Variants in ZNF577 observed in about 807,000 individuals in gnomAD.
The protein encoded by ZNF577 is zinc finger protein 577.
Under a neutral mutation model 13.9 loss-of-function variants are expected in ZNF577, and 14 were observed. The observed-to-expected ratio is 1.00, with a 90% CI of 0.66 to 1.57. ZNF577 has a LOEUF of 1.57. Among genes scored for constraint, ZNF577 ranks in the 40% most tolerant of loss-of-function variants. The pLI is 0.00. For synonymous variants in ZNF577, 203 were observed against 202.9 expected, an observed-to-expected ratio of 1.00 and a Z score of 0.00; for missense variants, 555 against 579.2, an observed-to-expected ratio of 0.96 and a Z score of 0.43.
chr19:51,807,766 C>T (rs2084069854), intron 10 of ZNF577, among the ~76,000 whole-genome samples: 1 of 152,228 alleles, frequency 6.6e-6, no homozygotes, highest in Admixed American at 6.5e-5. Flanking sequence ...TCTGCGAAAG[C>T]AGTTTGCCAG....
chr19:51,821,505 T>C (rs1382539556), intron 9 of ZNF577, among the ~76,000 whole-genome samples: 4 of 152,166 alleles, frequency 2.6e-5, no homozygotes, highest in Non-Finnish European at 4.4e-5. Flanking sequence ...CCCAATTGTC[T>C]GTAGTGCCAA....
intron 5 of ZNF577, among the ~76,000 whole-genome samples, chr19:51,854,969 C>A (rs1356844472): frequency 6.6e-6 from 1 of 152,098 alleles, no homozygotes; most frequent in Non-Finnish European, 1.5e-5. Context: ...CTTCATAGTT[C>A]TTTATACATG....
chr19:51,825,036 G>C, intron 9 of ZNF577: 1 of 505,342 alleles, frequency 2.0e-6, no homozygotes, highest in African/African-American at 1.9e-5. Flanking sequence ...GCTACTGTCA[G>C]ATCCCACAGG....
chr19:51,824,924 T>C lies in ZNF577; in HGVS notation c.*600-13250A>G, dbSNP rs2084221397. ...ACCACCACCACCACAATCATCAACA[T>C]AAAGGAAGTCTGTACCAAATCTGTA... On this transcript the variant is annotated intron_variant and NMD_transcript_variant, in intron 9 of 10. Coordinates refer to the ZNF577 transcript ENST00000638827. This position sits in a 1 kb window ranked among gnomAD's most constrained non-coding sequence, Gnocchi z 4.7. 2 of 835,794 alleles carry C rather than the reference T, an allele frequency of 2.4e-6. No homozygotes were observed. Among genetic ancestry groups the C allele is most frequent in the Non-Finnish European group, 3.7e-6 (2 of 536,240 alleles). 51.8% of individuals were successfully genotyped at this position (835,794 alleles called of 1,614,324 possible). A position where few individuals can be genotyped will look rare whatever the true frequency, so the allele number is the denominator to read the frequency against.
At position 51,825,887 on chromosome 19, in the gene ZNF577, T is replaced by A. The variant is rs181193397; in HGVS notation, c.*599+14006A>T. 2.2e-3 allele frequency: 364 copies of A among 167,200 alleles called. 1 individual carries two copies. Among genetic ancestry groups the A allele is most frequent in the Non-Finnish European group, 3.3e-3 (228 of 68,108 alleles). 10.4% of individuals were successfully genotyped at this position (167,200 alleles called of 1,614,324 possible). On this transcript the variant is annotated intron_variant and NMD_transcript_variant, in intron 9 of 10. Transcript: ENST00000638827. ...AGTGGGGATATTTGTAAGGCTTAGA[T>A]GAGATAGTGTTTTTTTAGAAAAAAA...
intron 9 of ZNF577, among the ~76,000 whole-genome samples, chr19:51,827,881 T>G (rs1039934763): frequency 6.6e-6 from 1 of 152,320 alleles, no homozygotes; most frequent in Admixed American, 6.5e-5. Flanking sequence ...GGCAATCCTG[T>G]TATCAGTGTT....
In ZNF577 at chr19:51,887,082, A is replaced by C. The variant is rs981265115; in HGVS notation, c.-480T>G. 6.6e-6 allele frequency: 1 copy of C among 152,240 alleles called. No individual in the cohort carries two copies. Among genetic ancestry groups the C allele is most frequent in the African/African-American group, 2.4e-5 (1 of 41,456 alleles). 9.4% of individuals were successfully genotyped at this position (152,240 alleles called of 1,614,324 possible). ...CAAAAAAAAAGTCACGATTTACAAC[A>C]AAAAGTATTAACTATGTAGAAATAA... On this transcript the variant is annotated 5_prime_UTR_variant, in exon 1 of 6. Transcript: ENST00000638348.
chr19:51,806,382 A>C (rs7248607), intron 10 of ZNF577, among the ~76,000 whole-genome samples: 1 of 152,088 alleles, frequency 6.6e-6, no homozygotes. Flanking sequence ...GGGGATTTCC[A>C]TAACACTTTC....
chr19:51,862,953 C>T (rs2084519546), downstream of ZNF577: 1 of 152,252 alleles, frequency 6.6e-6, no homozygotes, highest in Admixed American at 6.5e-5. Flanking sequence ...GTTCTGACTT[C>T]CAAGGGAAAA....
chr19:51,821,360 A>C (rs1299219677), intron 9 of ZNF577, among the ~76,000 whole-genome samples: 2 of 152,160 alleles, frequency 1.3e-5, no homozygotes, highest in African/African-American at 4.8e-5. Flanking sequence ...GGGACCTTTG[A>C]CAATGTCTAT....
intron 5 of ZNF577, among the ~76,000 whole-genome samples, chr19:51,849,131 G>A (rs2084368153): frequency 6.6e-6 from 1 of 152,044 alleles, no homozygotes; most frequent in South Asian, 2.1e-4. Context: ...CCACAGTTTG[G>A]GGAAGGAAAC....
In ZNF577 at chr19:51,845,660, T is replaced by A. The variant is rs1005968616; in HGVS notation, c.284-729A>T. ...CTCCCCCAGCCTTGGTAACCACCAT[T>A]CTACTCTCCATTTCTATGAATTCAA... is the stretch of plus-strand genomic sequence containing the variant. On this transcript the variant is annotated intron_variant and NMD_transcript_variant, in intron 5 of 10. Transcript: ENST00000638827. 2.6e-5 allele frequency among the ~76,000 whole-genome samples: 4 copies of A among 152,296 alleles called. No homozygotes were observed. The South Asian group carries it at 8.3e-4, about 32-fold the overall frequency.
At position 51,873,321 on chromosome 19, in the gene ZNF577, G is replaced by A. The variant is rs1189324057; in HGVS notation, c.669C>T (p.Phe223=). ...PHECSECGKA[F]SRKSQLMVHQ... ...GGACCATGAGCTGTGACTTTCTGGA[G>A]AAGGCTTTTCCACATTCACTACATT... The change falls in exon 6 of 6, where the codon TTC becomes TTT. Residue 223 remains phenylalanine (F), a synonymous_variant. Transcript: ENST00000638348. The A allele has an allele frequency of 5.6e-6, 9 of 1,614,044 alleles. No individual in the cohort carries two copies. The highest frequency in any genetic ancestry group is 3.3e-5 in the Admixed American group (2 of 60,004).
intron 1 of ZNF577, among the ~76,000 whole-genome samples, chr19:51,885,907 A>T (rs1299492376): frequency 6.6e-6 from 1 of 152,242 alleles, no homozygotes; most frequent in Non-Finnish European, 1.5e-5. Flanking sequence ...TTGATAGTGG[A>T]ATGGATAATA....
Position 51,870,525 on chromosome 19 carries a change from G to A in ZNF577, c.*2007C>T, listed in dbSNP as rs908891705. 2.6e-5 allele frequency among the ~76,000 whole-genome samples: 4 copies of A among 152,130 alleles called. No individual in the cohort carries two copies. Among genetic ancestry groups the A allele is most frequent in the African/African-American group, 4.8e-5 (2 of 41,418 alleles). ...TGTGATTCTCCAAATGTTAGGAGGC[G>A]TTTCCACTCCAGCTGGTGGAAATGC... On this transcript the variant is annotated 3_prime_UTR_variant, in exon 6 of 6. Transcript: ENST00000638348.
chr19:51,880,167 G>A (rs910240229), intron 3 of ZNF577, among the ~76,000 whole-genome samples, 156 bp downstream of exon 3: 1 of 152,084 alleles, frequency 6.6e-6, no homozygotes, highest in Non-Finnish European at 1.5e-5. Context: ...TTTTCCTTTG[G>A]CATTACTCCT....
At chr19:51,885,809 T>C (rs1189032690) in intron 1 of ZNF577, among the ~76,000 whole-genome samples, 1 of 152,130 alleles carries the variant, frequency 6.6e-6, no homozygotes, top group Non-Finnish European at 1.5e-5. Flanking sequence ...TGCCCAGCCC[T>C]CAATAGAACT....
At chr19:51,877,133 G>A in intron 5 of ZNF577, 149 bp downstream of exon 5, 2 of 604,770 alleles carry the variant, frequency 3.3e-6, no homozygotes, top group Non-Finnish European at 5.9e-6. Flanking sequence ...TATTAGGGAT[G>A]GACACAGATG....
At chr19:51,885,184 T>C (rs1005452840) in intron 1 of ZNF577, among the ~76,000 whole-genome samples, 7 of 152,338 alleles carry the variant, frequency 4.6e-5, no homozygotes, top group African/African-American at 1.7e-4. Context: ...TAGCTGAATG[T>C]TTTTGTAAAT....
Sources: gnomAD v4.1 joint callset for allele counts (sites outside exome capture counted in the v4.1 genomes callset) on GRCh38, gnomAD v4.1.1 for gene constraint, Gnocchi (gnomAD v3.1) non-coding constraint, MANE v1.5 for transcripts, NCBI Gene and HGNC (gene_info 2026-07-23, HGNC 2026-07-21) for gene names.